The following ANKS1B variants were observed in gnomAD, a reference collection of about 807,000 sequenced individuals.
ANKS1B encodes ankyrin repeat and sterile alpha motif domain-containing protein 1B.
A neutral mutation model predicts 148.3 loss-of-function variants in ANKS1B; 36 were observed. The observed-to-expected ratio is 0.24, with a 90% CI of 0.19 to 0.32. The LOEUF is 0.32. Ranked by LOEUF, ANKS1B falls within the 10% of genes least tolerant of loss-of-function variation. ANKS1B has a pLI of 1.00. For synonymous variants in ANKS1B, 542 were observed against 560.8 expected (o/e 0.97, Z 0.47); for missense variants, 1,157 against 1,542.6 (o/e 0.75, Z 4.19).
At chr12:99,406,119 C>T (rs905044094) in intron 11 of ANKS1B, among the ~76,000 whole-genome samples, 1 of 145,020 alleles carries the variant, frequency 6.9e-6, no homozygotes, top group Non-Finnish European at 1.5e-5. Flanking sequence ...ATCATTCAGA[C>T]AGAAAATCAA....
At chr12:99,850,066 A>C (rs559329586) in intron 1 of ANKS1B, among the ~76,000 whole-genome samples, 1 of 152,272 alleles carries the variant, frequency 6.6e-6, no homozygotes, top group African/African-American at 2.4e-5. Flanking sequence ...GTCATTAGGG[A>C]GCATGTTATT....
At chr12:99,724,767 G>A (rs757214055) in intron 8 of ANKS1B, among the ~76,000 whole-genome samples, 2 of 152,122 alleles carry the variant, frequency 1.3e-5, no homozygotes, top group African/African-American at 2.4e-5. Flanking sequence ...GAAAGACCAG[G>A]TCACCCACAA....
intron 10 of ANKS1B, among the ~76,000 whole-genome samples, chr12:99,482,726 T>A (rs1262474765): frequency 3.3e-5 from 5 of 152,058 alleles, no homozygotes; most frequent in Admixed American, 6.6e-5. Context: ...ATCTTTCACC[T>A]TCTTGGTTAA....
chr12:99,817,740 T>A (rs553551924), intron 2 of ANKS1B, among the ~76,000 whole-genome samples: 3 of 151,990 alleles, frequency 2.0e-5, no homozygotes, highest in East Asian at 1.9e-4. Context: ...TGATTTTGAT[T>A]TGCATTTCCC....
At chr12:99,740,912 G>C (rs879458479) in intron 8 of ANKS1B, among the ~76,000 whole-genome samples, 3 of 152,060 alleles carry the variant, frequency 2.0e-5, no homozygotes, top group Non-Finnish European at 4.4e-5. Flanking sequence ...CACAGACCAG[G>C]AGATTCCCTC....
At chr12:99,919,234 A>G (rs745947140) in intron 1 of ANKS1B, among the ~76,000 whole-genome samples, 1 of 152,130 alleles carries the variant, frequency 6.6e-6, no homozygotes, top group Non-Finnish European at 1.5e-5. Context: ...CAGTTTTGCA[A>G]CTTACCTGCT....
At chr12:99,487,411 C>T (rs1310990625) in intron 10 of ANKS1B, among the ~76,000 whole-genome samples, 1 of 152,120 alleles carries the variant, frequency 6.6e-6, no homozygotes, top group Non-Finnish European at 1.5e-5. Flanking sequence ...CATAGACATG[C>T]TTTTCTATGT....
intron 8 of ANKS1B, among the ~76,000 whole-genome samples, chr12:99,769,612 T>C (rs1045373460): frequency 6.6e-6 from 1 of 152,210 alleles, no homozygotes; most frequent in Non-Finnish European, 1.5e-5. Flanking sequence ...CAAGGGGTTA[T>C]GGCTCCAGCT....
chr12:99,021,930 GTTTA>G (rs2099946052), intron 17 of ANKS1B, among the ~76,000 whole-genome samples: 1 of 152,078 alleles, frequency 6.6e-6, no homozygotes. Flanking sequence ...CTTTTTATAT[GTTTA>G]TTTATCATTT....
At chr12:99,765,109 T>C (rs2062521876) in intron 8 of ANKS1B, among the ~76,000 whole-genome samples, 1 of 152,176 alleles carries the variant, frequency 6.6e-6, no homozygotes, top group Non-Finnish European at 1.5e-5. Flanking sequence ...ATGATCTACT[T>C]GTAAGACATT....
intron 10 of ANKS1B, among the ~76,000 whole-genome samples, chr12:99,464,975 C>G (rs1420516055): frequency 1.3e-5 from 2 of 152,106 alleles, no homozygotes; most frequent in African/African-American, 4.8e-5. Flanking sequence ...AGAGCAACTC[C>G]AAGACACATA....
chr12:99,149,687 G>A (rs1486411380), intron 15 of ANKS1B, among the ~76,000 whole-genome samples: 1 of 152,090 alleles, frequency 6.6e-6, no homozygotes, highest in East Asian at 1.9e-4. Flanking sequence ...CCTCCTCCAA[G>A]TAATATAAAC....
chr12:98,798,048 C>T (rs574880761), intron 22 of ANKS1B, among the ~76,000 whole-genome samples: 9 of 151,730 alleles, frequency 5.9e-5, no homozygotes, highest in East Asian at 1.9e-4. Flanking sequence ...GTCTGCAATA[C>T]GAGTTAGAGT....
chr12:99,788,369 C>G (rs2065228433), intron 4 of ANKS1B, among the ~76,000 whole-genome samples: 1 of 152,082 alleles, frequency 6.6e-6, no homozygotes, highest in South Asian at 2.1e-4. Flanking sequence ...TACCTTGGGC[C>G]AAAAGGGAAC....
chr12:99,830,872 T>G (rs1303310539), intron 1 of ANKS1B, among the ~76,000 whole-genome samples: 1 of 152,218 alleles, frequency 6.6e-6, no homozygotes, highest in Non-Finnish European at 1.5e-5. Context: ...ACCTTATGAC[T>G]GTTGCATTTG....
intron 9 of ANKS1B, among the ~76,000 whole-genome samples, chr12:99,567,611 G>C (rs932659242): frequency 6.6e-6 from 1 of 152,098 alleles, no homozygotes; most frequent in South Asian, 2.1e-4. Flanking sequence ...GGTAAGAAAA[G>C]GTCCCTAAAA....
chr12:98,808,771 T>C (rs2099070748), intron 19 of ANKS1B, among the ~76,000 whole-genome samples: 1 of 152,132 alleles, frequency 6.6e-6, no homozygotes, highest in Admixed American at 6.6e-5. Context: ...CCAAGTTCTG[T>C]TCCCGAATTT....
intron 8 of ANKS1B, among the ~76,000 whole-genome samples, chr12:99,739,537 C>A (rs570288642): frequency 3.3e-5 from 5 of 151,920 alleles, no homozygotes; most frequent in Non-Finnish European, 7.4e-5. Flanking sequence ...AATGACAGGC[C>A]TTCGTAGAAT....
At chr12:99,678,808 C>T (rs568252099) in intron 8 of ANKS1B, among the ~76,000 whole-genome samples, 1 of 152,158 alleles carries the variant, frequency 6.6e-6, no homozygotes, top group African/African-American at 2.4e-5. Flanking sequence ...AATATGAATG[C>T]CCATTAATAT....
Sources: gnomAD v4.1 joint callset for allele counts (sites outside exome capture counted in the v4.1 genomes callset) on GRCh38, gnomAD v4.1.1 for gene constraint, MANE v1.5 for transcripts, NCBI Gene and HGNC (gene_info 2026-07-23, HGNC 2026-07-21) for gene names.